Variants in LRP1B observed in about 807,000 individuals in gnomAD.
LRP1B encodes LDL receptor related protein 1B, also known as low-density lipoprotein receptor-related protein 1B.
Under a neutral mutation model 556.6 loss-of-function variants are expected in LRP1B, and 217 were observed. The ratio of observed to expected loss-of-function variants is 0.39; its 90% CI spans 0.35 to 0.44. LRP1B has a LOEUF of 0.44. LRP1B is among the 20% of genes least tolerant of loss of function. The pLI, the probability that LRP1B is intolerant of heterozygous loss-of-function variation, is 1.00. For missense variants in LRP1B, 5,053 were observed against 5,620.8 expected (o/e 0.90, Z 3.23); for synonymous variants, 2,047 against 1,865.8 (o/e 1.10, Z -2.50).
intron 7 of LRP1B, among the ~76,000 whole-genome samples, chr2:141,073,371 G>A (rs1172808159): frequency 6.6e-6 from 1 of 151,532 alleles, no homozygotes; most frequent in Non-Finnish European, 1.5e-5. Context: ...TTTTCTCTTA[G>A]CACTCTCTTG....
At chr2:141,117,464 G>C (rs1330704844) in intron 7 of LRP1B, among the ~76,000 whole-genome samples, 4 of 151,572 alleles carry the variant, frequency 2.6e-5, no homozygotes, top group Non-Finnish European at 5.9e-5. Flanking sequence ...AGAAAGTGGA[G>C]AAAATGAAAA....
chr2:140,940,951 G>A (rs1695382681), intron 20 of LRP1B, among the ~76,000 whole-genome samples: 1 of 152,048 alleles, frequency 6.6e-6, no homozygotes, highest in Non-Finnish European at 1.5e-5. Flanking sequence ...CTTTTTAAGT[G>A]ATCACCATTC....
chr2:141,051,968 T>C (rs1445272712), intron 10 of LRP1B, among the ~76,000 whole-genome samples: 1 of 42,542 alleles, frequency 2.4e-5, no homozygotes, highest in African/African-American at 5.5e-5. Context: ...TCTGCTCTTA[T>C]TGTTTAATTT....
intron 2 of LRP1B, among the ~76,000 whole-genome samples, chr2:141,626,690 C>T (rs13396250): frequency 0.12 from 18,567 of 152,000 alleles, 2,133 homozygotes; most frequent in African/African-American, 0.3. Flanking sequence ...AAATAGTATA[C>T]GAAAAGATGC....
At position 140,923,231 on chromosome 2, in the gene LRP1B, T is replaced by G. The variant is rs546047305; in HGVS notation, c.3137-84A>C. On this transcript the variant is annotated intron_variant, in intron 20 of 90. Coordinates refer to ENST00000389484, the MANE Select transcript of LRP1B (RefSeq NM_018557.3). Reference sequence around the variant, plus strand: ...ATTTTACTTGTTGGTAGTTTTTATTTCACATTTTTTTCTTTCTTCAGGCAT... The same window carrying G: ...ATTTTACTTGTTGGTAGTTTTTATTGCACATTTTTTTCTTTCTTCAGGCAT... 2.4e-3 allele frequency: 2,636 copies of G among 1,085,618 alleles called. 9 individuals are homozygous for G. The highest frequency in any genetic ancestry group is 4.8e-3 in the Admixed American group (188 of 38,936). The allele number at this position is 1,085,618 out of a possible 1,614,324, so 67.2% of individuals were successfully genotyped here. A position where few individuals can be genotyped will look rare whatever the true frequency, so the allele number is the denominator to read the frequency against.
intron 1 of LRP1B, among the ~76,000 whole-genome samples, chr2:141,954,363 T>G (rs898406082): frequency 6.6e-5 from 10 of 152,200 alleles, no homozygotes; most frequent in African/African-American, 2.2e-4. Flanking sequence ...ACAGGGCAGA[T>G]GCACCATGTA....
At chr2:141,798,185 G>T (rs1211982845) in intron 2 of LRP1B, among the ~76,000 whole-genome samples, 1 of 152,170 alleles carries the variant, frequency 6.6e-6, no homozygotes, top group East Asian at 1.9e-4. Flanking sequence ...ACATACAAAT[G>T]TATGCGTGAT....
At chr2:141,182,326 A>T (rs927179527) in intron 7 of LRP1B, among the ~76,000 whole-genome samples, 2 of 151,978 alleles carry the variant, frequency 1.3e-5, no homozygotes, top group Non-Finnish European at 2.9e-5. Flanking sequence ...TAGAATAATT[A>T]ATACAAATTT....
intron 1 of LRP1B, among the ~76,000 whole-genome samples, chr2:142,044,606 G>GTTTTTTT (rs1245882745): frequency 6.6e-6 from 1 of 151,672 alleles, no homozygotes; most frequent in Non-Finnish European, 1.5e-5. Flanking sequence ...CTTTGACAGA[G>GTTTTTTT]TACTTTTTTA....
intron 79 of LRP1B, among the ~76,000 whole-genome samples, chr2:140,331,682 TATAC>T (rs1253266786): frequency 9.7e-6 from 1 of 103,538 alleles, no homozygotes; most frequent in Non-Finnish European, 2.1e-5. Flanking sequence ...TCACTATATA[TATAC>T]ATATATATAT....
At chr2:140,445,669 G>T (rs1686626734) in intron 63 of LRP1B, among the ~76,000 whole-genome samples, 1 of 151,890 alleles carries the variant, frequency 6.6e-6, no homozygotes, top group South Asian at 2.1e-4. Flanking sequence ...TCAGGCACTG[G>T]GCTAGACCCC....
chr2:140,373,141 T>G lies in LRP1B; in HGVS notation c.10639-4A>C, dbSNP rs759408235. ...AACAACTTGTCTCACAATTTCTCTA[T>G]GAAAAACAACAGAGATATAATCAAA... On this transcript the variant is annotated splice_polypyrimidine_tract_variant and splice_region_variant and intron_variant, in intron 68 of 90. Transcript: ENST00000389484. The G allele has an allele frequency of 6.2e-7, 1 of 1,612,284 alleles. No homozygotes were observed. Among genetic ancestry groups the G allele is most frequent in the Non-Finnish European group, 8.5e-7 (1 of 1,179,012 alleles).
chr2:140,331,030 A>G (rs1680782373), intron 79 of LRP1B, among the ~76,000 whole-genome samples: 1 of 152,232 alleles, frequency 6.6e-6, no homozygotes, highest in South Asian at 2.1e-4. Flanking sequence ...TAGTACTACA[A>G]TAGTATTTCA....
chr2:140,968,503 GT>G (rs34542410), intron 18 of LRP1B, among the ~76,000 whole-genome samples: 33 of 97,688 alleles, frequency 3.4e-4, no homozygotes, highest in East Asian at 1.1e-3. Context: ...ATTTTTTGCA[GT>G]TTTTTTTTTT....
intron 41 of LRP1B, among the ~76,000 whole-genome samples, chr2:140,621,520 A>G (rs1683455578): frequency 6.6e-6 from 1 of 152,146 alleles, no homozygotes. Flanking sequence ...TAAAGGTGTT[A>G]GATGCCTACC....
chr2:140,308,186 G>A (rs1684144876), intron 83 of LRP1B, among the ~76,000 whole-genome samples: 2 of 151,678 alleles, frequency 1.3e-5, no homozygotes, highest in South Asian at 4.1e-4. Context: ...TGCAAACCTG[G>A]TGAGTGTCTG....
At chr2:141,640,891 A>C (rs1689304964) in intron 2 of LRP1B, among the ~76,000 whole-genome samples, 1 of 152,152 alleles carries the variant, frequency 6.6e-6, no homozygotes, top group Non-Finnish European at 1.5e-5. Context: ...CCTTCTTTAC[A>C]CAGAGCAATT....
At chr2:140,949,952 A>G (rs1297653556) in intron 20 of LRP1B, among the ~76,000 whole-genome samples, 2 of 86,914 alleles carry the variant, frequency 2.3e-5, no homozygotes, top group African/African-American at 7.0e-5. Flanking sequence ...AAAAAAAAAA[A>G]AAAAAAAAAA....
intron 1 of LRP1B, among the ~76,000 whole-genome samples, chr2:141,893,707 G>T (rs758781089): frequency 4.6e-5 from 7 of 151,990 alleles, no homozygotes; most frequent in Non-Finnish European, 7.4e-5. Context: ...TGAGATGGTT[G>T]GTGCTAAAAC....
Sources: gnomAD v4.1 joint callset for allele counts (sites outside exome capture counted in the v4.1 genomes callset) on GRCh38, gnomAD v4.1.1 for gene constraint, MANE v1.5 for transcripts, NCBI Gene and HGNC (gene_info 2026-07-23, HGNC 2026-07-21) for gene names.